The following CIAPIN1 variants were observed in gnomAD, a reference collection of about 807,000 sequenced individuals.
CIAPIN1 encodes cytokine induced apoptosis inhibitor 1.
A neutral mutation model predicts 34.3 loss-of-function variants in CIAPIN1; 18 were observed. The ratio of observed to expected loss-of-function variants is 0.52; its 90% CI spans 0.36 to 0.78. The LOEUF is 0.78. CIAPIN1 is among the 30% of genes least tolerant of loss of function. The pLI, the probability that CIAPIN1 is intolerant of heterozygous loss-of-function variation, is 0.00. For missense variants in CIAPIN1, 310 were observed against 372.5 expected (o/e 0.83, Z 1.38); for synonymous variants, 131 against 140.4 (o/e 0.93, Z 0.47).
chr16:57,431,728 C>G (rs1354581677), intron 6 of CIAPIN1, among the ~76,000 whole-genome samples: 1 of 152,140 alleles, frequency 6.6e-6, no homozygotes, highest in Non-Finnish European at 1.5e-5. Flanking sequence ...TGTGTAGACA[C>G]TTAGTCTGTA....
chr16:57,442,660 C>T (rs536768388), intron 1 of CIAPIN1, among the ~76,000 whole-genome samples: 1 of 152,298 alleles, frequency 6.6e-6, no homozygotes, highest in African/African-American at 2.4e-5. Flanking sequence ...TGTGCCACTA[C>T]ATTCCAGACC....
At chr16:57,447,034 TCG>T (rs1455891707) in intron 1 of CIAPIN1, among the ~76,000 whole-genome samples, 1 of 152,140 alleles carries the variant, frequency 6.6e-6, no homozygotes, top group Non-Finnish European at 1.5e-5. Flanking sequence ...GATCCCAAGC[TCG>T]GAGCCGTTTC....
rs1473668803 is a variant in CIAPIN1 at position 57,428,342 on chromosome 16, C to CT, written c.*827_*828insA. 4 of 152,170 alleles carry CT rather than the reference C, an allele frequency of 2.6e-5. No homozygotes were observed. Among genetic ancestry groups the CT allele is most frequent in the Non-Finnish European group, 4.4e-5 (3 of 68,036 alleles). 9.4% of individuals were successfully genotyped at this position (152,170 alleles called of 1,614,324 possible). ...CTGCTCAGAGAGACGTATTGTCGTT[C>CT]AGAGTTCTGCCCTGCTTCCCTCTAA... On this transcript the variant is annotated 3_prime_UTR_variant, in exon 9 of 9. Coordinates refer to ENST00000394391, the MANE Select transcript of CIAPIN1 (RefSeq NM_020313.4).
chr16:57,446,272 G>T (rs1178877601), intron 1 of CIAPIN1, among the ~76,000 whole-genome samples: 1 of 152,214 alleles, frequency 6.6e-6, no homozygotes, highest in Admixed American at 6.5e-5. Context: ...TTCAAAGATG[G>T]ATGGATAGAA....
intron 4 of CIAPIN1, among the ~76,000 whole-genome samples, chr16:57,435,995 A>C (rs1333871711): frequency 2.6e-5 from 4 of 152,182 alleles, no homozygotes; most frequent in African/African-American, 9.7e-5. Flanking sequence ...TTTGCCCTCT[A>C]ACCTATTCCA....
chr16:57,431,236 G>C lies in CIAPIN1; in HGVS notation c.661C>G (p.Pro221Ala). The C allele has an allele frequency of 6.2e-7, 1 of 1,613,684 alleles. No homozygotes were observed. The highest frequency in any genetic ancestry group is 8.5e-7 in the Non-Finnish European group (1 of 1,179,784). Reference sequence around the variant, plus strand: ...GGATCTGGCTTCTTCAAATCTTCTGGATCCAGCAGCTCATCTGAGTCAATG... The same window carrying C: ...GGATCTGGCTTCTTCAAATCTTCTGCATCCAGCAGCTCATCTGAGTCAATG... ...DLIDSDELLD[P>A]EDLKKPDPAS... Residue 221 changes from proline (P) to alanine (A), a missense_variant, in exon 7 of 9, where the codon CCA (proline) becomes GCA (alanine). Physicochemically the swap from Pro to Ala is conservative, Grantham distance 27. Coordinates refer to ENST00000394391, the MANE Select transcript of CIAPIN1 (RefSeq NM_020313.4).
At chr16:57,433,869 T>C in intron 5 of CIAPIN1, 175 bp downstream of exon 5, 1 of 593,184 alleles carries the variant, frequency 1.7e-6, no homozygotes, top group Non-Finnish European at 3.0e-6. Context: ...TATTTCAGTT[T>C]TGGATCCTAA....
At chr16:57,443,918 A>G (rs2029950926) in intron 1 of CIAPIN1, among the ~76,000 whole-genome samples, 1 of 152,136 alleles carries the variant, frequency 6.6e-6, no homozygotes, top group Admixed American at 6.5e-5. Flanking sequence ...GCTGGGCATT[A>G]AGTTATAAGA....
chr16:57,429,924 C>A (rs1404391899), intron 8 of CIAPIN1, among the ~76,000 whole-genome samples: 1 of 152,066 alleles, frequency 6.6e-6, no homozygotes, highest in Non-Finnish European at 1.5e-5. Flanking sequence ...GAATTACACA[C>A]GTGAGCCACT....
intron 1 of CIAPIN1, among the ~76,000 whole-genome samples, chr16:57,442,064 G>T (rs1280210551): frequency 6.6e-6 from 1 of 152,264 alleles, no homozygotes; most frequent in South Asian, 2.1e-4. Context: ...TGTTGACTTC[G>T]GCTGGGCACA....
chr16:57,438,629 T>G (rs1411177993), intron 3 of CIAPIN1, among the ~76,000 whole-genome samples: 1 of 151,436 alleles, frequency 6.6e-6, no homozygotes, highest in African/African-American at 2.4e-5. Flanking sequence ...ATGTGTAGAT[T>G]TGTGTAACCA....
At chr16:57,435,812 A>T (rs1428008916) in intron 4 of CIAPIN1, among the ~76,000 whole-genome samples, 4 of 152,184 alleles carry the variant, frequency 2.6e-5, no homozygotes, top group Non-Finnish European at 5.9e-5. Flanking sequence ...AAAAAAAATT[A>T]AAAAACAAAG....
Position 57,428,947 on chromosome 16 carries a change from T to C in CIAPIN1, c.*223A>G. On this transcript the variant is annotated 3_prime_UTR_variant, in exon 9 of 9. Transcript: ENST00000394391. ...TCTTAACATGAGGTGAAGAAACCCATCCCATTCTGAAACCAGGTCCCATAA... is the reference window on the plus strand; with the variant it reads ...TCTTAACATGAGGTGAAGAAACCCACCCCATTCTGAAACCAGGTCCCATAA... 2 of 497,226 alleles carry C rather than the reference T, an allele frequency of 4.0e-6. No homozygotes were observed. Among genetic ancestry groups the C allele is most frequent in the Non-Finnish European group, 7.2e-6 (2 of 276,638 alleles). 30.8% of individuals were successfully genotyped at this position (497,226 alleles called of 1,614,324 possible). A position where few individuals can be genotyped will look rare whatever the true frequency, so the allele number is the denominator to read the frequency against.
intron 1 of CIAPIN1, among the ~76,000 whole-genome samples, chr16:57,443,429 G>A (rs1362406204): frequency 6.6e-6 from 1 of 152,108 alleles, no homozygotes; most frequent in Admixed American, 6.5e-5. Context: ...GTGAGCCACG[G>A]CATCCAGCTA....
intron 5 of CIAPIN1, 54 bp downstream of exon 5, chr16:57,433,990 A>G: frequency 1.3e-6 from 2 of 1,494,942 alleles, no homozygotes; most frequent in East Asian, 4.5e-5. Context: ...CTCAATTTCT[A>G]ACATGTCCCT....
At chr16:57,436,839 G>A (rs377729630) in intron 3 of CIAPIN1, 107 bp from the exon 4 acceptor site, 3 of 739,466 alleles carry the variant, frequency 4.1e-6, no homozygotes, top group African/African-American at 1.8e-5. Flanking sequence ...TAATAACCAG[G>A]TGGGCGTGGT....
chr16:57,433,938 G>A, intron 5 of CIAPIN1, 106 bp downstream of exon 5: 1 of 1,032,422 alleles, frequency 9.7e-7, no homozygotes, highest in Non-Finnish European at 1.5e-6. Context: ...AGAAATCAAA[G>A]GACTAATCCT....
chr16:57,435,514 T>C (rs1903179743), intron 4 of CIAPIN1, among the ~76,000 whole-genome samples: 1 of 152,156 alleles, frequency 6.6e-6, no homozygotes, highest in Non-Finnish European at 1.5e-5. Context: ...GCATAAAGAA[T>C]CTAAGGCCTG....
chr16:57,432,588 T>C (rs1380020558), intron 5 of CIAPIN1, 28 bp from the exon 6 acceptor site: 2 of 1,591,444 alleles, frequency 1.3e-6, no homozygotes, highest in African/African-American at 1.3e-5. Flanking sequence ...AAGAAAAAAC[T>C]CCATAAACAC....
Sources: gnomAD v4.1 joint callset for allele counts (sites outside exome capture counted in the v4.1 genomes callset) on GRCh38, gnomAD v4.1.1 for gene constraint, MANE v1.5 for transcripts, NCBI Gene and HGNC (gene_info 2026-07-23, HGNC 2026-07-21) for gene names.